ACKR3: variants seen among roughly 807,000 people sequenced by gnomAD.
ACKR3 encodes the protein C-X-C chemokine receptor type 7.
ACKR3 carries 6 observed loss-of-function variants against 22.4 expected under a neutral mutation model. The observed-to-expected ratio is 0.27, with a 90% CI of 0.15 to 0.53. ACKR3 has a LOEUF of 0.53. Among genes scored for constraint, ACKR3 ranks in the 20% least tolerant of loss-of-function variants. The pLI is 0.96. For missense variants in ACKR3, 396 were observed against 475.2 expected (o/e 0.83, Z 1.55); for synonymous variants, 209 against 205.2 (o/e 1.02, Z -0.16).
At chr2:236,560,493 T>C in the ACKR3 span, among the ~76,000 whole-genome samples, 1 of 152,202 alleles carries the variant, frequency 6.6e-6, no homozygotes, top group East Asian at 1.9e-4. Flanking sequence ...GAAATGTCTA[T>C]TCAAGTCCTT....
rs1323254115 is a variant in ACKR3 at position 236,581,680 on chromosome 2, A to G, written c.*126A>G. On this transcript the variant is annotated 3_prime_UTR_variant, in exon 2 of 2. Coordinates refer to ENST00000272928, the MANE Select transcript of ACKR3 (RefSeq NM_020311.3). This position sits in a 1 kb window ranked among gnomAD's most constrained non-coding sequence, Gnocchi z 4.4. ...GCTTGAGTAGAGTGAAGAGGGGAGC[A>G]CGTGCCCCCTGCATCCATTCTCTCT... 7.4e-6 allele frequency: 9 copies of G among 1,208,162 alleles called. No individual in the cohort carries two copies. Among genetic ancestry groups the G allele is most frequent in the East Asian group, 2.5e-5 (1 of 40,472 alleles). The allele number at this position is 1,208,162 out of a possible 1,614,324, so 74.8% of individuals were successfully genotyped here.
chr2:236,561,564 G>A, the ACKR3 span, among the ~76,000 whole-genome samples: 6 of 151,950 alleles, frequency 3.9e-5, no homozygotes, highest in South Asian at 1.2e-3. Flanking sequence ...CTGGAGTGCA[G>A]TGGCACGACC....
the ACKR3 span, among the ~76,000 whole-genome samples, chr2:236,542,308 TC>T: frequency 1.3e-5 from 2 of 152,172 alleles, no homozygotes; most frequent in South Asian, 2.1e-4. Flanking sequence ...AAAGCTTTTT[TC>T]CCCCTCAAGG....
At chr2:236,553,115 G>A in the ACKR3 span, among the ~76,000 whole-genome samples, 1 of 152,320 alleles carries the variant, frequency 6.6e-6, no homozygotes, top group South Asian at 2.1e-4. Context: ...CACCTTTGCG[G>A]AGGAGATCCA....
chr2:236,566,010 G>A (rs1208117497), upstream of ACKR3, among the ~76,000 whole-genome samples: 1 of 152,210 alleles, frequency 6.6e-6, no homozygotes, highest in Non-Finnish European at 1.5e-5. Flanking sequence ...AGCCTCTCTG[G>A]GCTCATATCA....
At chr2:236,538,841 T>C in the ACKR3 span, among the ~76,000 whole-genome samples, 1 of 152,200 alleles carries the variant, frequency 6.6e-6, no homozygotes, top group South Asian at 2.1e-4. Flanking sequence ...TCCTAAGAAG[T>C]GATGTGTGGT....
At chr2:236,562,937 G>T (rs1440278041), upstream of ACKR3, among the ~76,000 whole-genome samples, 1 of 152,146 alleles carries the variant, frequency 6.6e-6, no homozygotes, top group Non-Finnish European at 1.5e-5. Flanking sequence ...TGAGAATTCT[G>T]GTGGTTCCAC....
rs560845604 is a variant in ACKR3, at chr2:236,582,144, G to C, written c.*590G>C. 1 of 166,522 alleles carries C rather than the reference G, an allele frequency of 6.0e-6. No homozygotes were observed. The highest frequency in any genetic ancestry group is 2.1e-4 in the South Asian group (1 of 4,784). 10.3% of individuals were successfully genotyped at this position (166,522 alleles called of 1,614,324 possible). ...TTTTATTTACCATAGTTTTATATCT[G>C]TGTGGTGTTTTGTACCGGCACGGGA... On this transcript the variant is annotated 3_prime_UTR_variant, in exon 2 of 2. Transcript: ENST00000272928.
the ACKR3 span, among the ~76,000 whole-genome samples, chr2:236,541,369 G>C: frequency 6.6e-6 from 1 of 152,132 alleles, no homozygotes; most frequent in African/African-American, 2.4e-5. Flanking sequence ...TCCCTCGTCT[G>C]ACACACTCCC....
At chr2:236,572,634 A>G (rs975257501) in intron 1 of ACKR3, among the ~76,000 whole-genome samples, 1 of 152,184 alleles carries the variant, frequency 6.6e-6, no homozygotes, top group African/African-American at 2.4e-5. Context: ...GCCTCGTCCT[A>G]GTCCTAAGCT....
chr2:236,559,986 AAG>A, the ACKR3 span, among the ~76,000 whole-genome samples: 1 of 152,248 alleles, frequency 6.6e-6, no homozygotes, highest in Non-Finnish European at 1.5e-5. Flanking sequence ...TTTCCATTTC[AAG>A]AGAGTGTTAG....
At chr2:236,555,799 C>T in the ACKR3 span, among the ~76,000 whole-genome samples, 1 of 146,296 alleles carries the variant, frequency 6.8e-6, no homozygotes, top group Non-Finnish European at 1.5e-5. Flanking sequence ...TATCAACTTA[C>T]ATGGCCTTTT....
At chr2:236,564,484 G>A (rs1691140161), upstream of ACKR3, among the ~76,000 whole-genome samples, 1 of 152,206 alleles carries the variant, frequency 6.6e-6, no homozygotes, top group African/African-American at 2.4e-5. Context: ...TGGCAACAGG[G>A]GCAAACTCAG....
In ACKR3 at chr2:236,581,544, G is replaced by A. The variant is rs1574979451; in HGVS notation, c.1079G>A (p.Ser360Asn). The change falls in exon 2 of 2, where the codon AGC becomes AAC. Residue 360 changes from serine (S) to asparagine (N), a missense_variant. Physicochemically the swap from Ser to Asn is conservative, Grantham distance 46 (BLOSUM62 1). Coordinates refer to ENST00000272928, the MANE Select transcript of ACKR3 (RefSeq NM_020311.3). The surrounding 1 kb of genome is among the most constrained non-coding windows in gnomAD (Gnocchi z 4.4). The part of the protein sequence containing the change: ...SETEYSALEQ[S>N]TK ...ACGGAGTACTCTGCCTTGGAGCAGA[G>A]CACCAAATGATCTGCCCTGGAGAGG... 3.7e-6 allele frequency: 6 copies of A among 1,613,346 alleles called. No individual in the cohort carries two copies. The highest frequency in any genetic ancestry group is 5.1e-6 in the Non-Finnish European group (6 of 1,179,504).
chr2:236,549,619 C>T, the ACKR3 span, among the ~76,000 whole-genome samples: 1 of 152,202 alleles, frequency 6.6e-6, no homozygotes, highest in Non-Finnish European at 1.5e-5. This position sits in a 1 kb window ranked among gnomAD's most constrained non-coding sequence, Gnocchi z 5.3. Flanking sequence ...GCAGCACCCT[C>T]CTCCCTTGGC....
chr2:236,548,922 C>G, the ACKR3 span, among the ~76,000 whole-genome samples: 1 of 152,184 alleles, frequency 6.6e-6, no homozygotes, highest in Non-Finnish European at 1.5e-5. The surrounding 1 kb of genome is among the most constrained non-coding windows in gnomAD (Gnocchi z 4.3). Flanking sequence ...TTCCTGATGA[C>G]AAGCAACAAG....
chr2:236,551,289 C>T, the ACKR3 span, among the ~76,000 whole-genome samples: 1,190 of 152,346 alleles, frequency 7.8e-3, 18 homozygotes, highest in African/African-American at 0.027. Flanking sequence ...TCCCCTCCTA[C>T]CCGGCCATTT....
the ACKR3 span, among the ~76,000 whole-genome samples, chr2:236,537,594 T>A: frequency 6.6e-6 from 1 of 152,346 alleles, no homozygotes; most frequent in East Asian, 1.9e-4. Context: ...CCCTTGGATA[T>A]CTCTGTACAC....
intron 1 of ACKR3, among the ~76,000 whole-genome samples, chr2:236,579,753 C>T (rs936734499): frequency 7.2e-5 from 11 of 152,188 alleles, no homozygotes; most frequent in African/African-American, 2.2e-4. Context: ...GAAAACCACA[C>T]GGCCAACCCA....
Sources: gnomAD v4.1 joint callset for allele counts (sites outside exome capture counted in the v4.1 genomes callset) on GRCh38, gnomAD v4.1.1 for gene constraint, Gnocchi (gnomAD v3.1) non-coding constraint, MANE v1.5 for transcripts, NCBI Gene and HGNC (gene_info 2026-07-23, HGNC 2026-07-21) for gene names.